Variants in ATP2B1 observed in about 807,000 individuals in gnomAD.
ATP2B1 encodes plasma membrane calcium-transporting ATPase 1.
ATP2B1 carries 14 observed loss-of-function variants against 124.2 expected under a neutral mutation model. The observed-to-expected ratio is 0.11, with a 90% CI of 0.07 to 0.18. The LOEUF (loss-of-function observed/expected upper bound fraction) is 0.18, where lower values mean the gene tolerates loss of function less well. Among genes scored for constraint, ATP2B1 ranks in the 10% least tolerant of loss-of-function variants. The pLI, the probability that ATP2B1 is intolerant of heterozygous loss-of-function variation, is 1.00. For missense variants in ATP2B1, 763 were observed against 1,466.1 expected (o/e 0.52, Z 7.83); for synonymous variants, 449 against 492.4 (o/e 0.91, Z 1.17).
Position 89,603,258 on chromosome 12 carries a change from A to G in ATP2B1, c.2849-4T>C. 6.3e-7 allele frequency: 1 copy of G among 1,581,556 alleles called. No individual in the cohort carries two copies. Among genetic ancestry groups the G allele is most frequent in the South Asian group, 1.2e-5 (1 of 86,508 alleles). ...TCAATGTCAAAAAACTTTTCTCCTGAAAGAATGAAAAATGACTATTTTGTA... is the reference window on the plus strand; with the variant it reads ...TCAATGTCAAAAAACTTTTCTCCTGGAAGAATGAAAAATGACTATTTTGTA... On this transcript the variant is annotated splice_polypyrimidine_tract_variant and splice_region_variant and intron_variant, in intron 17 of 20. Coordinates refer to ENST00000428670, the MANE Select transcript of ATP2B1 (RefSeq NM_001366521.1). This position sits in a 1 kb window ranked among gnomAD's most constrained non-coding sequence, Gnocchi z 4.3.
intron 7 of ATP2B1, 32 bp from the exon 8 acceptor site, chr12:89,626,647 A>T (rs1387917958): frequency 6.4e-7 from 1 of 1,555,630 alleles, no homozygotes. Flanking sequence ...ACTTCACTAT[A>T]CTTTAAAGGC....
At chr12:89,634,743 A>T (rs777517140) in intron 5 of ATP2B1, 35 bp downstream of exon 5, 4 of 1,536,652 alleles carry the variant, frequency 2.6e-6, no homozygotes, top group Non-Finnish European at 3.5e-6. Context: ...GTTGCGAAAG[A>T]GGAAAGTGTT....
Position 89,635,226 on chromosome 12 carries a change from C to A in ATP2B1, c.432G>T (p.Glu144Asp). The A allele has an allele frequency of 2.5e-6, 4 of 1,612,972 alleles. No individual in the cohort carries two copies. The highest frequency in any genetic ancestry group is 3.4e-6 in the Non-Finnish European group (4 of 1,179,730). ...NALCGEVSVG[E>D]EEGEGETGWI... ...AACCAGTTTCACCTTCACCTTCTTCCTCCCCAACAGAAACTTCTCCACAAA... is the reference window on the plus strand; with the variant it reads ...AACCAGTTTCACCTTCACCTTCTTCATCCCCAACAGAAACTTCTCCACAAA... Residue 144 changes from glutamate (E) to aspartate (D), a missense_variant, in exon 4 of 21, where the codon GAG becomes GAT. Physicochemically the swap from Glu to Asp is conservative, Grantham distance 45. This residue lies in a region of ATP2B1 where 392 missense variants were observed against 776.6 expected (regional missense o/e 0.50). Coordinates refer to ENST00000428670, the MANE Select transcript of ATP2B1 (RefSeq NM_001366521.1).
At chr12:89,597,527 CGG>C (rs1565796575) in intron 20 of ATP2B1, among the ~76,000 whole-genome samples, 15 of 152,052 alleles carry the variant, frequency 9.9e-5, no homozygotes, top group Non-Finnish European at 1.9e-4. Flanking sequence ...TAAGTAAATA[CGG>C]AAAAAACAGG....
At chr12:89,667,120 T>C (rs1400349109) in intron 1 of ATP2B1, among the ~76,000 whole-genome samples, 4 of 152,166 alleles carry the variant, frequency 2.6e-5, no homozygotes, top group Non-Finnish European at 5.9e-5. Flanking sequence ...AATGGCCCAC[T>C]CTCACCTTGA....
intron 18 of ATP2B1, among the ~76,000 whole-genome samples, chr12:89,602,565 A>T (rs761955058): frequency 2.0e-5 from 3 of 152,172 alleles, no homozygotes; most frequent in Non-Finnish European, 4.4e-5. Flanking sequence ...ATTACAACTG[A>T]TTTGACAATC....
chr12:89,645,690 CA>C (rs1884340111), intron 2 of ATP2B1, among the ~76,000 whole-genome samples: 2 of 152,068 alleles, frequency 1.3e-5, no homozygotes, highest in Non-Finnish European at 1.5e-5. Context: ...TAGCCAGAAG[CA>C]AAGCCACTGT....
chr12:89,643,091 C>CACACACAT (rs1247770816), intron 2 of ATP2B1, among the ~76,000 whole-genome samples: 3 of 146,816 alleles, frequency 2.0e-5, no homozygotes, highest in African/African-American at 7.7e-5. Context: ...CACACACACA[C>CACACACAT]ATATATACAT....
intron 1 of ATP2B1, among the ~76,000 whole-genome samples, chr12:89,681,835 A>G (rs560867931): frequency 1.3e-5 from 2 of 152,322 alleles, no homozygotes; most frequent in African/African-American, 2.4e-5. Flanking sequence ...GGGGAAAACT[A>G]GAGGCATTTA....
intron 8 of ATP2B1, 71 bp downstream of exon 8, chr12:89,626,383 G>A: frequency 6.8e-7 from 1 of 1,479,304 alleles, no homozygotes; most frequent in Non-Finnish European, 9.0e-7. Flanking sequence ...CCTTAAGTGT[G>A]TCAAAAGACA....
At chr12:89,665,229 A>C (rs939624227) in intron 1 of ATP2B1, among the ~76,000 whole-genome samples, 2 of 152,206 alleles carry the variant, frequency 1.3e-5, no homozygotes, top group African/African-American at 4.8e-5. Context: ...TTTAGTACCA[A>C]GTATACTAAT....
intron 3 of ATP2B1, among the ~76,000 whole-genome samples, chr12:89,638,798 T>C (rs971318413): frequency 7.9e-5 from 12 of 152,306 alleles, no homozygotes; most frequent in East Asian, 5.8e-4. Context: ...TGTGAAAAGA[T>C]TGCCACAATC....
At chr12:89,626,853 G>C (rs1463118533) in intron 7 of ATP2B1, among the ~76,000 whole-genome samples, 1 of 151,974 alleles carries the variant, frequency 6.6e-6, no homozygotes, top group African/African-American at 2.4e-5. Context: ...AGGCATACAG[G>C]GTCCTTAAAC....
chr12:89,601,204 C>T (rs1261424444), intron 19 of ATP2B1, 122 bp downstream of exon 19: 1 of 685,960 alleles, frequency 1.5e-6, no homozygotes, highest in Non-Finnish European at 2.4e-6. Flanking sequence ...TTTGAATGCC[C>T]TCTCTTTACT....
chr12:89,644,872 G>A (rs1337657950), intron 2 of ATP2B1, among the ~76,000 whole-genome samples: 1 of 152,132 alleles, frequency 6.6e-6, no homozygotes. Flanking sequence ...AATATTTTAT[G>A]TTACCACTGA....
chr12:89,615,094 C>T (rs1233014694), intron 12 of ATP2B1, among the ~76,000 whole-genome samples: 1 of 152,178 alleles, frequency 6.6e-6, no homozygotes, highest in African/African-American at 2.4e-5. Context: ...TTTATAGCCA[C>T]ACTGGCCTCT....
intron 2 of ATP2B1, among the ~76,000 whole-genome samples, chr12:89,653,283 CTTTTTTTTTTTTTTTTT>C (rs149270069): frequency 5.3e-5 from 4 of 76,110 alleles, no homozygotes; most frequent in Admixed American, 1.7e-4. Flanking sequence ...GAATTTTTTT[CTTTTTTTTTTTTTTTTT>C]TTTTTTTGAG....
intron 12 of ATP2B1, 21 bp from the exon 13 acceptor site, chr12:89,611,393 A>C: frequency 2.0e-6 from 3 of 1,486,598 alleles, no homozygotes; most frequent in Non-Finnish European, 2.7e-6. Flanking sequence ...TTAAAAAAAA[A>C]AATTACAAAG....
Position 89,591,008 on chromosome 12 carries a change from T to C in ATP2B1, c.3639A>G (p.Leu1213=). The change falls in exon 21 of 21, where the codon CTA becomes CTG. Residue 1213 remains leucine, a synonymous_variant. Transcript: ENST00000428670. The part of the protein sequence containing the change: ...SATSSSPGSP[L]HSLETSL ...ATCAGAGTGATGTTTCCAAACTATG[T>C]AGTGGGCTTCCTGGGGATGAAGAGG... 5 of 1,612,848 alleles carry C rather than the reference T, an allele frequency of 3.1e-6. No individual in the cohort carries two copies. Among genetic ancestry groups the C allele is most frequent in the East Asian group, 2.2e-5 (1 of 44,862 alleles).
Sources: allele counts gnomAD v4.1 joint callset (sites outside exome capture counted in the v4.1 genomes callset), GRCh38; gene constraint gnomAD v4.1.1; regional missense constraint gnomAD v4.1.1; non-coding constraint Gnocchi (gnomAD v3.1); transcripts MANE v1.5; gene names NCBI Gene and HGNC (gene_info 2026-07-23, HGNC 2026-07-21).